IFNAR2: variants seen among roughly 807,000 people sequenced by gnomAD.
IFNAR2 encodes interferon alpha/beta receptor 2.
Under a neutral mutation model 49.4 loss-of-function variants are expected in IFNAR2, and 30 were observed. The observed-to-expected ratio is 0.61, with a 90% CI of 0.45 to 0.82. The LOEUF is 0.82. Among genes scored for constraint, IFNAR2 ranks in the 40% least tolerant of loss-of-function variants. IFNAR2 has a pLI of 0.00. For missense variants in IFNAR2, 600 were observed against 622.7 expected (o/e 0.96, Z 0.39); for synonymous variants, 224 against 234.5 (o/e 0.96, Z 0.41).
chr21:33,260,711 G>A lies in IFNAR2; in HGVS notation c.824G>A (p.Ser275Asn). 1 of 1,533,410 alleles carries A rather than the reference G, an allele frequency of 6.5e-7. No individual in the cohort carries two copies. Among genetic ancestry groups the A allele is most frequent in the Non-Finnish European group, 8.7e-7 (1 of 1,144,914 alleles). 95.0% of individuals were successfully genotyped at this position (1,533,410 alleles called of 1,614,324 possible). A position where few individuals can be genotyped will look rare whatever the true frequency, so the allele number is the denominator to read the frequency against. The change falls in exon 8 of 9, where the codon AGC becomes AAC. Residue 275 changes from serine (S) to asparagine (N), a missense_variant. Transcript: ENST00000342136. ...ATTGGTTATATATGCTTAAGAAATA[G>A]CCTCCCCAAAGTCTTGGTAGGTAGT... is the stretch of plus-strand genomic sequence containing the variant. ...KWIGYICLRN[S>N]LPKVLNFHNF...
intron 7 of IFNAR2, among the ~76,000 whole-genome samples, chr21:33,254,106 C>G (rs1173009554): frequency 6.6e-6 from 1 of 152,200 alleles, no homozygotes; most frequent in Admixed American, 6.5e-5. Flanking sequence ...AAAGAAATTA[C>G]TTTAGTTGTA....
chr21:33,252,118 A>G (rs911571526), intron 6 of IFNAR2: 1 of 459,658 alleles, frequency 2.2e-6, no homozygotes, highest in Non-Finnish European at 4.5e-6. Context: ...CTATCTATCT[A>G]TATCTGTCTA....
At chr21:33,261,355 T>TTTTG (rs1302259619) in intron 8 of IFNAR2, among the ~76,000 whole-genome samples, 5 of 152,128 alleles carry the variant, frequency 3.3e-5, no homozygotes, top group African/African-American at 1.2e-4. Flanking sequence ...TTTTGTTTTG[T>TTTTG]TTTTATACTT....
Position 33,237,078 on chromosome 21 carries a change from G to GGTGGGTGT in IFNAR2, c.-83-4759_-83-4758insGGTGTGTG, listed in dbSNP as rs57276350. 8.1e-3 allele frequency among the ~76,000 whole-genome samples: 1,200 copies of GGTGGGTGT among 147,694 alleles called. 6 individuals carry two copies. The highest frequency in any genetic ancestry group is 0.038 in the Middle Eastern group (11 of 288). On this transcript the variant is annotated intron_variant, in intron 1 of 8. Coordinates refer to ENST00000342136, the MANE Select transcript of IFNAR2 (RefSeq NM_001289125.3). ...CCCCTGGCCCAGAGGGGGAGAATGGGGTGTGTGTGTGTGTGTGTGTGTGTG... is the reference window on the plus strand; with the variant it reads ...CCCCTGGCCCAGAGGGGGAGAATGGGGTGGGTGTGTGTGTGTGTGTGTGTGTGTGTGTG...
At chr21:33,236,365 G>A (rs568200114) in intron 1 of IFNAR2, among the ~76,000 whole-genome samples, 1 of 152,300 alleles carries the variant, frequency 6.6e-6, no homozygotes, top group Non-Finnish European at 1.5e-5. Flanking sequence ...GTCAAGCCTT[G>A]CATCTCCCTT....
chr21:33,260,753 G>T, intron 8 of IFNAR2, 26 bp downstream of exon 8: 1 of 1,413,736 alleles, frequency 7.1e-7, no homozygotes, highest in Non-Finnish European at 9.4e-7. Context: ...GTTTTGTTTT[G>T]TTTTTTCTAT....
At chr21:33,260,517 C>T in intron 7 of IFNAR2, 80 bp from the exon 8 acceptor site, 1 of 1,326,164 alleles carries the variant, frequency 7.5e-7, no homozygotes, top group Non-Finnish European at 1.0e-6. Flanking sequence ...CTTGTAACAC[C>T]AGGCCAATGT....
At position 33,232,905 on chromosome 21, in the gene IFNAR2, A is replaced by C. The variant is rs927758245; in HGVS notation, c.-84+2689A>C. On this transcript the variant is annotated intron_variant, in intron 1 of 8. Transcript: ENST00000342136. ...GAGGTACTAAAGCCAAACTAGTAGCAGCAAAGTGAACAGAAATGGTAAGGG... is the reference window on the plus strand; with the variant it reads ...GAGGTACTAAAGCCAAACTAGTAGCCGCAAAGTGAACAGAAATGGTAAGGG... 8.5e-6 allele frequency: 8 copies of C among 946,690 alleles called. No homozygotes were observed. In the African/African-American group the frequency reaches 1.4e-4, roughly 17 times the overall value. 58.6% of individuals were successfully genotyped at this position (946,690 alleles called of 1,614,324 possible).
intron 6 of IFNAR2, chr21:33,251,524 C>T: frequency 1.0e-6 from 1 of 983,792 alleles, no homozygotes; most frequent in Non-Finnish European, 1.2e-6. Context: ...TGTGTGCTGG[C>T]CACTGGAGGG....
chr21:33,247,517 T>C (rs922214228), intron 5 of IFNAR2, among the ~76,000 whole-genome samples: 3 of 152,106 alleles, frequency 2.0e-5, no homozygotes, highest in African/African-American at 4.8e-5. Flanking sequence ...GCCAAGGTGC[T>C]GAGGTTACAA....
chr21:33,253,441 A>G (rs1987999522), intron 7 of IFNAR2, among the ~76,000 whole-genome samples: 1 of 152,178 alleles, frequency 6.6e-6, no homozygotes, highest in African/African-American at 2.4e-5. Flanking sequence ...GAAGTAGCCA[A>G]GTTTCCACCT....
At chr21:33,236,413 CCACGTCCAAGGGTCTTTACGT>C (rs1489835891) in intron 1 of IFNAR2, among the ~76,000 whole-genome samples, 1 of 152,178 alleles carries the variant, frequency 6.6e-6, no homozygotes, top group African/African-American at 2.4e-5. Context: ...AGTGTAGTGG[CCACGTCCAAGGGTCTTTACGT>C]CTCTGCCTCA....
chr21:33,234,183 C>CTGTG (rs61686449), intron 1 of IFNAR2, among the ~76,000 whole-genome samples: 45,124 of 140,506 alleles, frequency 0.32, 6,937 homozygotes, highest in Non-Finnish European at 0.33. Context: ...AACAGAAACA[C>CTGTG]TGTGTGTGTG....
chr21:33,247,246 C>CTTTTTTTTTTTTT (rs71194830), intron 5 of IFNAR2, among the ~76,000 whole-genome samples: 16 of 101,236 alleles, frequency 1.6e-4, no homozygotes, highest in South Asian at 2.9e-4. Flanking sequence ...TTCTTTCTTT[C>CTTTTTTTTTTTTT]TTTCTTTCTT....
intron 1 of IFNAR2, among the ~76,000 whole-genome samples, chr21:33,236,326 C>T (rs564090571): frequency 6.6e-5 from 10 of 152,318 alleles, no homozygotes; most frequent in South Asian, 2.1e-4. Context: ...AGCTTCCCCT[C>T]GATCCAGCCT....
At chr21:33,236,618 C>A (rs1986482231) in intron 1 of IFNAR2, 7 of 903,604 alleles carry the variant, frequency 7.7e-6, no homozygotes, top group Non-Finnish European at 9.3e-6. Context: ...AGTTGATGCC[C>A]CATGCCAACA....
At chr21:33,244,113 A>G (rs748783876) in intron 3 of IFNAR2, among the ~76,000 whole-genome samples, 8 of 152,182 alleles carry the variant, frequency 5.3e-5, no homozygotes, top group Admixed American at 1.3e-4. Context: ...CTTCCTACGT[A>G]TATAAATCTG....
chr21:33,243,565 A>C, intron 2 of IFNAR2, 108 bp from the exon 3 acceptor site: 1 of 1,031,344 alleles, frequency 9.7e-7, no homozygotes, highest in Non-Finnish European at 1.5e-6. Context: ...GAAAAATCTC[A>C]ATCTGATACC....
intron 1 of IFNAR2, among the ~76,000 whole-genome samples, chr21:33,241,429 T>C (rs1486367684): frequency 6.6e-6 from 1 of 152,170 alleles, no homozygotes; most frequent in Non-Finnish European, 1.5e-5. Flanking sequence ...TATCCAGCTA[T>C]TTAAAAAACA....
Sources: allele counts gnomAD v4.1 joint callset (sites outside exome capture counted in the v4.1 genomes callset), GRCh38; gene constraint gnomAD v4.1.1; transcripts MANE v1.5; gene names NCBI Gene and HGNC (gene_info 2026-07-23, HGNC 2026-07-21).